Variants in IPP observed in about 807,000 individuals in gnomAD.
IPP encodes actin-binding protein IPP.
In IPP, 41 loss-of-function variants were observed where a neutral mutation model predicts 64.1. That is an observed-to-expected ratio of 0.64 (90% CI 0.50 to 0.83). The LOEUF (loss-of-function observed/expected upper bound fraction) is 0.83. Ranked by LOEUF, IPP falls within the 40% of genes least tolerant of loss-of-function variation. IPP has a pLI of 0.00. For missense variants in IPP, 649 were observed against 703.0 expected, an observed-to-expected ratio of 0.92 and a Z score of 0.87; for synonymous variants, 214 against 235.2, an observed-to-expected ratio of 0.91 and a Z score of 0.83.
At chr1:45,694,667 C>A, downstream of IPP, 1 of 559,076 alleles carries the variant, frequency 1.8e-6, no homozygotes. Context: ...TGAGGGAAAG[C>A]CACATTCAAA....
chr1:45,720,871 A>C (rs1229174181), intron 5 of IPP, among the ~76,000 whole-genome samples: 1 of 152,244 alleles, frequency 6.6e-6, no homozygotes, highest in Non-Finnish European at 1.5e-5. Flanking sequence ...TATGAATGGA[A>C]AAACTATAAA....
rs1271119939 is a variant in IPP at position 45,740,972 on chromosome 1, T to G, written c.653A>C (p.His218Pro). ...AATTGGGTCTAGCACTTCCACCACA[T>G]GTTTTCTTCTTTTTCCCAAATCTTT... is the stretch of plus-strand genomic sequence containing the variant. ...ILKDLGKRRK[H>P]VVEVLDPIRF... The change falls in exon 3 of 9, where the codon CAT becomes CCT. Residue 218 changes from histidine (H) to proline (P), a missense_variant. Coordinates refer to ENST00000396478, the MANE Select transcript of IPP (RefSeq NM_005897.3). The G allele has an allele frequency of 1.2e-6, 2 of 1,613,634 alleles. No homozygotes were observed. Among genetic ancestry groups the G allele is most frequent in the Non-Finnish European group, 1.7e-6 (2 of 1,179,804 alleles).
intron 3 of IPP, among the ~76,000 whole-genome samples, chr1:45,733,747 G>A (rs1292274643): frequency 1.3e-5 from 2 of 151,602 alleles, no homozygotes; most frequent in African/African-American, 2.4e-5. Flanking sequence ...CAGGAGAATC[G>A]ATTGAACCTG....
chr1:45,695,090 C>T (rs941537978), downstream of IPP: 1 of 152,504 alleles, frequency 6.6e-6, no homozygotes, highest in African/African-American at 2.4e-5. Context: ...GGTGGCATTT[C>T]ACCATGTTGG....
intron 3 of IPP, among the ~76,000 whole-genome samples, chr1:45,733,693 G>A (rs1037120388): frequency 2.0e-5 from 3 of 151,876 alleles, no homozygotes; most frequent in African/African-American, 7.3e-5. Context: ...TTAGTCGGGT[G>A]TGGCGGTGGG....
At chr1:45,727,018 C>G (rs1645838043) in intron 5 of IPP, among the ~76,000 whole-genome samples, 1 of 152,032 alleles carries the variant, frequency 6.6e-6, no homozygotes, top group South Asian at 2.1e-4. Context: ...GCATGAGCCA[C>G]TACGCCAGGC....
In IPP at chr1:45,699,702, G is replaced by T; in HGVS notation, c.*264C>A. On this transcript the variant is annotated 3_prime_UTR_variant, in exon 9 of 9. Coordinates refer to ENST00000396478, the MANE Select transcript of IPP (RefSeq NM_005897.3). ...TTAAGAGACAGGATCTCATTCTGTT[G>T]CCCAGAGTGGAGTGCAGTGGCATGA... 1.8e-6 allele frequency: 2 copies of T among 1,120,204 alleles called. No homozygotes were observed. The highest frequency in any genetic ancestry group is 2.3e-6 in the Non-Finnish European group (2 of 883,090). 69.4% of individuals were successfully genotyped at this position (1,120,204 alleles called of 1,614,324 possible).
chr1:45,742,206 C>T (rs538325908), intron 2 of IPP, among the ~76,000 whole-genome samples: 10 of 152,016 alleles, frequency 6.6e-5, no homozygotes, highest in Non-Finnish European at 1.2e-4. Context: ...GATACACATT[C>T]GGGCCTACTT....
At chr1:45,695,410 C>T (rs905183081), downstream of IPP, among the ~76,000 whole-genome samples, 13 of 152,048 alleles carry the variant, frequency 8.5e-5, no homozygotes, top group African/African-American at 3.1e-4. Flanking sequence ...AATCCTCCTG[C>T]CTAGGCTCCC....
intron 3 of IPP, among the ~76,000 whole-genome samples, chr1:45,740,230 A>G (rs901000874): frequency 4.6e-5 from 7 of 152,130 alleles, no homozygotes; most frequent in Admixed American, 1.3e-4. Flanking sequence ...CTCTTTCTAC[A>G]CAGACACAGC....
At chr1:45,708,679 C>T (rs1220314326) in intron 8 of IPP, among the ~76,000 whole-genome samples, 1 of 36,032 alleles carries the variant, frequency 2.8e-5, no homozygotes, top group Non-Finnish European at 6.1e-5. Context: ...AACTCACCTC[C>T]AAAAAAAAAA....
intron 1 of IPP, among the ~76,000 whole-genome samples, chr1:45,747,479 A>G (rs887088266): frequency 9.2e-5 from 14 of 152,144 alleles, no homozygotes; most frequent in Non-Finnish European, 4.4e-5. Context: ...CTGTTCCACC[A>G]TATCACACTG....
At position 45,746,392 on chromosome 1, in the gene IPP, G is replaced by A. The variant is rs1401012155; in HGVS notation, c.20C>T (p.Pro7Leu). 6.2e-7 allele frequency: 1 copy of A among 1,612,038 alleles called. No individual in the cohort carries two copies. Among genetic ancestry groups the A allele is most frequent in the African/African-American group, 1.3e-5 (1 of 74,972 alleles). ...TGAAAAAGGACTATCAGCAGCCTTG[G>A]GACAGTCCTCATTAGCCATGATGAC... MANEDC[P>L]KAADSPFSSD... Residue 7 changes from proline (P) to leucine (L), a missense_variant, in exon 2 of 9, where the codon CCC (proline) becomes CTC (leucine). Transcript: ENST00000396478.
At chr1:45,738,849 A>AAAACAAAAAAAAC (rs1213150610) in intron 3 of IPP, among the ~76,000 whole-genome samples, 155 of 149,182 alleles carry the variant, frequency 1.0e-3, no homozygotes, top group East Asian at 4.5e-3. Context: ...CAAAAAAAAA[A>AAAACAAAAAAAAC]AAAAAAAAAA....
At chr1:45,720,113 T>C (rs906828594) in intron 5 of IPP, among the ~76,000 whole-genome samples, 1 of 152,042 alleles carries the variant, frequency 6.6e-6, no homozygotes, top group African/African-American at 2.4e-5. Context: ...TCTGGCTCTG[T>C]CACCCAGGCT....
At position 45,724,704 on chromosome 1, in the gene IPP, G is replaced by A. The variant is rs1163169706; in HGVS notation, c.1048+2927C>T. On this transcript the variant is annotated intron_variant, in intron 5 of 8. Transcript: ENST00000396478. ...TGGGAGGTGAGGAGCGTCTCTGCCC[G>A]GCCGCCCCGTCTGAGAAGTGAGGAA... Among the ~76,000 whole-genome samples the A allele has an allele frequency of 9.9e-3, 1,499 of 150,976 alleles. 17 individuals carry two copies. The highest frequency in any genetic ancestry group is 0.035 in the African/African-American group (1,443 of 40,986).
intron 4 of IPP, among the ~76,000 whole-genome samples, chr1:45,728,457 T>C (rs1645862701): frequency 6.6e-6 from 1 of 152,040 alleles, no homozygotes; most frequent in Non-Finnish European, 1.5e-5. Context: ...CAATATGCTA[T>C]ATATTATATG....
chr1:45,729,430 T>C (rs1404343940), intron 4 of IPP, among the ~76,000 whole-genome samples, 184 bp downstream of exon 4: 1 of 152,250 alleles, frequency 6.6e-6, no homozygotes, highest in Non-Finnish European at 1.5e-5. Flanking sequence ...GCTATTTCTT[T>C]TTAGACATAT....
rs151095379 is a variant in IPP at position 45,699,797 on chromosome 1, G to A, written c.*169C>T. 9.4e-5 allele frequency: 133 copies of A among 1,420,978 alleles called. 1 individual carries two copies. The African/African-American group carries it at 1.7e-3, about 18-fold the overall frequency. 88.0% of individuals were successfully genotyped at this position (1,420,978 alleles called of 1,614,324 possible). On this transcript the variant is annotated 3_prime_UTR_variant, in exon 9 of 9. Transcript: ENST00000396478. ...TCTGCCTCAGCCTTCCAAAGTGCTG[G>A]GATTATAGGCATGAGGCCACTGCGC...
Sources: gnomAD v4.1 joint callset for allele counts (sites outside exome capture counted in the v4.1 genomes callset) on GRCh38, gnomAD v4.1.1 for gene constraint, MANE v1.5 for transcripts, NCBI Gene and HGNC (gene_info 2026-07-23, HGNC 2026-07-21) for gene names.